The following MS4A10 variants were observed in gnomAD, a reference collection of about 807,000 sequenced individuals.
MS4A10 encodes the protein membrane-spanning 4-domains subfamily A member 10.
MS4A10 carries 27 observed loss-of-function variants against 27.7 expected under a neutral mutation model. The observed-to-expected ratio is 0.98, with a 90% CI of 0.72 to 1.35. The LOEUF (loss-of-function observed/expected upper bound fraction) is 1.35. MS4A10 is among the 40% of genes most tolerant of loss of function. MS4A10 has a pLI of 0.00. For synonymous variants in MS4A10, 139 were observed against 131.2 expected, an observed-to-expected ratio of 1.06 and a Z score of -0.41; for missense variants, 338 against 324.7, an observed-to-expected ratio of 1.04 and a Z score of -0.32.
At chr11:60,785,695 C>A (rs1854323541) in intron 1 of MS4A10, among the ~76,000 whole-genome samples, 1 of 152,126 alleles carries the variant, frequency 6.6e-6, no homozygotes, top group Non-Finnish European at 1.5e-5. Context: ...GTAGGGGGCA[C>A]CGTCGGCCTC....
chr11:60,799,701 C>T (rs745691322), intron 7 of MS4A10, 127 bp from the exon 8 acceptor site: 3 of 655,418 alleles, frequency 4.6e-6, no homozygotes, highest in Non-Finnish European at 2.8e-6. Flanking sequence ...GCAGAGCTCA[C>T]TCTTTGAATC....
At chr11:60,787,939 C>A (rs1382791904) in intron 1 of MS4A10, among the ~76,000 whole-genome samples, 1 of 152,082 alleles carries the variant, frequency 6.6e-6, no homozygotes, top group Admixed American at 6.6e-5. Flanking sequence ...ATCACTTGAA[C>A]CCGGGAGGCG....
At chr11:60,791,812 T>A (rs898952940) in intron 3 of MS4A10, among the ~76,000 whole-genome samples, 3 of 152,190 alleles carry the variant, frequency 2.0e-5, no homozygotes, top group Non-Finnish European at 4.4e-5. Flanking sequence ...CCATAGTAGG[T>A]GCTCAGTGCA....
At position 60,798,417 on chromosome 11, in the gene MS4A10, C is replaced by A; in HGVS notation, c.625C>A (p.Pro209Thr). 1 of 1,614,044 alleles carries A rather than the reference C, an allele frequency of 6.2e-7. No homozygotes were observed. The highest frequency in any genetic ancestry group is 1.1e-5 in the South Asian group (1 of 91,060). The part of the protein sequence containing the change: ...SAKNDDACLV[P>T]NTPLHLKGLP... ...GCAGAATGATGATGCATGCCTTGTT[C>A]CGAATACACCATTGCATCTCAAAGG... Residue 209 changes from proline (P) to threonine (T), a missense_variant, in exon 7 of 8, where the codon CCG (proline) becomes ACG (threonine). By Grantham distance (38) the Pro-to-Thr change is conservative. Transcript: ENST00000308287.
chr11:60,787,585 C>T (rs1854361327), intron 1 of MS4A10, among the ~76,000 whole-genome samples: 1 of 152,060 alleles, frequency 6.6e-6, no homozygotes, highest in Non-Finnish European at 1.5e-5. Context: ...GTGATATGCA[C>T]GTGAGCAAAC....
intron 7 of MS4A10, 70 bp downstream of exon 7, chr11:60,798,584 T>G: frequency 3.4e-6 from 4 of 1,189,602 alleles, no homozygotes; most frequent in Non-Finnish European, 5.0e-6. Context: ...CTGGCATAGA[T>G]AGAAACCAGT....
intron 4 of MS4A10, among the ~76,000 whole-genome samples, 169 bp from the exon 5 acceptor site, chr11:60,793,803 C>A (rs952011064): frequency 1.3e-5 from 2 of 152,188 alleles, no homozygotes; most frequent in African/African-American, 4.8e-5. Flanking sequence ...TCAGCTCAAT[C>A]CTGTGTGAGG....
chr11:60,787,710 A>T (rs1859281572), intron 1 of MS4A10, among the ~76,000 whole-genome samples: 1 of 152,086 alleles, frequency 6.6e-6, no homozygotes, highest in South Asian at 2.1e-4. Flanking sequence ...ACCGTTAGAC[A>T]ATGAGAAAAA....
rs747492266 is a variant in MS4A10 at position 60,791,084 on chromosome 11, G to C, written c.294G>C (p.Gly98=). The change falls in exon 3 of 8, where the codon GGG becomes GGC. Residue 98 remains glycine, a synonymous_variant. Coordinates refer to ENST00000308287, the MANE Select transcript of MS4A10 (RefSeq NM_206893.4). ...VVLKSWYPFW[G]AASFLISGIL... Reference sequence around the variant, plus strand: ...TGAAGTCTTGGTATCCATTCTGGGGGGCTGCCTCTGTGAGTAGAAGGCAAA... The same window carrying C: ...TGAAGTCTTGGTATCCATTCTGGGGCGCTGCCTCTGTGAGTAGAAGGCAAA... 3 of 1,613,940 alleles carry C rather than the reference G, an allele frequency of 1.9e-6. No homozygotes were observed. The Admixed American group carries it at 5.0e-5, about 27-fold the overall frequency.
intron 5 of MS4A10, among the ~76,000 whole-genome samples, chr11:60,794,895 G>C (rs1854499118): frequency 6.6e-6 from 1 of 152,168 alleles, no homozygotes; most frequent in African/African-American, 2.4e-5. Context: ...ATGTCGGCCA[G>C]GCAGGTCTCG....
intron 5 of MS4A10, 113 bp from the exon 6 acceptor site, chr11:60,795,442 C>T (rs558931394): frequency 2.5e-5 from 14 of 565,584 alleles, no homozygotes; most frequent in Admixed American, 4.2e-5. Context: ...GCTGAAACCC[C>T]ACCTGCCCTC....
At position 60,799,832 on chromosome 11, in the gene MS4A10, A is replaced by G. The variant is rs747481810; in HGVS notation, c.727A>G (p.Arg243Gly). ...TAATATCTCCATTTCATGCAGGCTC[A>G]GAGAAGTTAAGCAAGTTGCCCCGGA... The part of the protein sequence containing the change: ...DAQHKQHQRL[R>G]EVKQVAPDTW... The change falls in exon 8 of 8, where the codon AGA becomes GGA. Residue 243 changes from arginine (R) to glycine (G), a missense_variant. Coordinates refer to ENST00000308287, the MANE Select transcript of MS4A10 (RefSeq NM_206893.4). The G allele has an allele frequency of 3.5e-6, 5 of 1,410,550 alleles. No individual in the cohort carries two copies. In the Admixed American group the frequency reaches 8.6e-5, roughly 24 times the overall value. 87.4% of individuals were successfully genotyped at this position (1,410,550 alleles called of 1,614,324 possible). A position where few individuals can be genotyped will look rare whatever the true frequency, so the allele number is the denominator to read the frequency against.
In MS4A10 at chr11:60,788,675, A is replaced by G. The variant is rs1026757007; in HGVS notation, c.-22-1639A>G. Among the ~76,000 whole-genome samples, 3 of 152,224 alleles carry G rather than the reference A, an allele frequency of 2.0e-5. No homozygotes were observed. In the South Asian group the frequency reaches 6.2e-4, roughly 31 times the overall value. On this transcript the variant is annotated intron_variant, in intron 1 of 7. Transcript: ENST00000308287. ...AAAAGAATCATACAGCACTGTGTCT[A>G]TGAGCTCAGCTTCTGAAGCCCAGGA...
rs773067574 is a variant in MS4A10, at chr11:60,795,547, C to A, written c.493-8C>A. 2.0e-6 allele frequency: 3 copies of A among 1,527,186 alleles called. No individual in the cohort carries two copies. The highest frequency in any genetic ancestry group is 8.8e-7 in the Non-Finnish European group (1 of 1,136,532). The allele number at this position is 1,527,186 out of a possible 1,614,324, so 94.6% of individuals were successfully genotyped here. A position where few individuals can be genotyped will look rare whatever the true frequency, so the allele number is the denominator to read the frequency against. On this transcript the variant is annotated splice_region_variant and splice_polypyrimidine_tract_variant and intron_variant, in intron 5 of 7. Coordinates refer to ENST00000308287, the MANE Select transcript of MS4A10 (RefSeq NM_206893.4). ...CTCACCCTGCCTTCCTTCCCTCTACCCTCTCAGGTCCACATCCAGAGGCTG... is the reference window on the plus strand; with the variant it reads ...CTCACCCTGCCTTCCTTCCCTCTACACTCTCAGGTCCACATCCAGAGGCTG...
intron 1 of MS4A10, among the ~76,000 whole-genome samples, chr11:60,788,143 T>C (rs981768191): frequency 1.3e-5 from 2 of 152,182 alleles, no homozygotes; most frequent in African/African-American, 4.8e-5. Flanking sequence ...GAGTCTTTAA[T>C]ATGAGAAAAA....
chr11:60,793,400 T>C (rs1001893851), intron 4 of MS4A10, among the ~76,000 whole-genome samples: 2 of 152,188 alleles, frequency 1.3e-5, no homozygotes, highest in Admixed American at 1.3e-4. Context: ...ATGTGCATAG[T>C]CTTTCCTCAC....
chr11:60,793,256 G>A (rs1854461796), intron 4 of MS4A10, among the ~76,000 whole-genome samples: 1 of 152,190 alleles, frequency 6.6e-6, no homozygotes, highest in African/African-American at 2.4e-5. Context: ...ACAAAGACGT[G>A]CCCATTCCCC....
chr11:60,800,136 G>C lies in MS4A10; in HGVS notation c.*227G>C. The stretch of plus-strand genomic sequence containing the variant: ...GTGGTGGCCCAGATTGTTTTGTTTT[G>C]TTTCGCTTTGTTTTGTTTTCTTTTG... On this transcript the variant is annotated 3_prime_UTR_variant, in exon 8 of 8. Coordinates refer to ENST00000308287, the MANE Select transcript of MS4A10 (RefSeq NM_206893.4). 2 of 593,924 alleles carry C rather than the reference G, an allele frequency of 3.4e-6. No homozygotes were observed. The highest frequency in any genetic ancestry group is 5.7e-6 in the Non-Finnish European group (2 of 349,078). The allele number at this position is 593,924 out of a possible 1,614,324, so 36.8% of individuals were successfully genotyped here.
chr11:60,786,909 A>G (rs1257261892), intron 1 of MS4A10, among the ~76,000 whole-genome samples: 1 of 152,218 alleles, frequency 6.6e-6, no homozygotes, highest in Non-Finnish European at 1.5e-5. Flanking sequence ...CTGAGATGTA[A>G]AAAACCGGCC....
Sources: gnomAD v4.1 joint callset for allele counts (sites outside exome capture counted in the v4.1 genomes callset) on GRCh38, gnomAD v4.1.1 for gene constraint, MANE v1.5 for transcripts, NCBI Gene and HGNC (gene_info 2026-07-23, HGNC 2026-07-21) for gene names.